The following SHROOM4 variants were observed in gnomAD, a reference collection of about 807,000 sequenced individuals.
SHROOM4 encodes the protein shroom family member 4, also known as protein Shroom4.
In SHROOM4, 17 loss-of-function variants were observed where a neutral mutation model predicts 80.3. The observed-to-expected ratio is 0.21, with a 90% CI of 0.14 to 0.32. The LOEUF (loss-of-function observed/expected upper bound fraction) is 0.32, where lower values mean the gene tolerates loss of function less well. Ranked by LOEUF, SHROOM4 falls within the 10% of genes least tolerant of loss-of-function variation. The pLI is 1.00. For missense variants in SHROOM4, 993 were observed against 1,140.3 expected (o/e 0.87, Z 1.86); for synonymous variants, 400 against 437.5 (o/e 0.91, Z 1.07).
chrX:50,814,118 A>C lies in SHROOM4; in HGVS notation c.-100T>G. 1 of 565,288 alleles carries C rather than the reference A, an allele frequency of 1.8e-6. No homozygotes were observed. The highest frequency in any genetic ancestry group is 3.0e-6 in the Non-Finnish European group (1 of 329,292). The allele number at this position is 565,288 out of a possible 1,213,427, so 46.6% of individuals were successfully genotyped here. ...CACCATCGCCCTCCAGCTCTACGCC[A>C]CCCCGCACCGCCCTGCTCCGCCTAC... On this transcript the variant is annotated 5_prime_UTR_variant, in exon 1 of 9. Coordinates refer to ENST00000376020, the MANE Select transcript of SHROOM4 (RefSeq NM_020717.5).
chrX:50,654,730 T>C (rs782417484), intron 2 of SHROOM4, among the ~76,000 whole-genome samples: 1 of 110,311 alleles, frequency 9.1e-6, no homozygotes, highest in Non-Finnish European at 1.9e-5. Context: ...ACCACCATTC[T>C]ACCCTCTGCT....
intron 1 of SHROOM4, among the ~76,000 whole-genome samples, chrX:50,774,533 T>C (rs888343992): frequency 1.1e-4 from 12 of 110,720 alleles, no homozygotes; most frequent in Non-Finnish European, 1.7e-4. Flanking sequence ...CTCAAATACT[T>C]TTGCTTACTT....
At chrX:50,629,281 G>A (rs1023628907) in intron 4 of SHROOM4, among the ~76,000 whole-genome samples, 2 of 111,598 alleles carry the variant, frequency 1.8e-5, no homozygotes, top group African/African-American at 6.5e-5. Flanking sequence ...TACTGCTAGA[G>A]GGCATCCGGC....
intron 1 of SHROOM4, among the ~76,000 whole-genome samples, chrX:50,715,264 C>T (rs1467609117): frequency 1.8e-5 from 2 of 110,923 alleles, no homozygotes; most frequent in African/African-American, 6.6e-5. Context: ...TGTTCACTTA[C>T]CAAGTTGTAC....
At chrX:50,812,755 G>A (rs375127241) in intron 1 of SHROOM4, among the ~76,000 whole-genome samples, 20 of 66,125 alleles carry the variant, frequency 3.0e-4, no homozygotes, top group South Asian at 9.3e-4. Context: ...CCACCCCCCC[G>A]CAAAAAAAAA....
intron 2 of SHROOM4, among the ~76,000 whole-genome samples, chrX:50,691,496 C>T (rs974806785): frequency 3.2e-5 from 1 of 31,126 alleles, no homozygotes; most frequent in Non-Finnish European, 8.2e-5. Flanking sequence ...TGGATTAAGA[C>T]AAAGGCAACC....
intron 1 of SHROOM4, among the ~76,000 whole-genome samples, chrX:50,748,858 GACT>G (rs782218956): frequency 8.9e-6 from 1 of 112,338 alleles, no homozygotes; most frequent in Non-Finnish European, 1.9e-5. Context: ...ACCAATTAAA[GACT>G]ACAAATGTAC....
At chrX:50,760,332 CTTTTTT>C (rs59845169) in intron 1 of SHROOM4, among the ~76,000 whole-genome samples, 3 of 89,569 alleles carry the variant, frequency 3.3e-5, no homozygotes, top group African/African-American at 1.2e-4. Context: ...TCTCTAGTAA[CTTTTTT>C]TTTTTTTTTT....
At chrX:50,749,805 G>A (rs942433382) in intron 1 of SHROOM4, among the ~76,000 whole-genome samples, 1 of 111,949 alleles carries the variant, frequency 8.9e-6, no homozygotes, top group Non-Finnish European at 1.9e-5. Context: ...TTGCTATGGA[G>A]AGATTCTCTC....
chrX:50,767,190 A>G (rs897609101), intron 1 of SHROOM4, among the ~76,000 whole-genome samples: 1 of 112,005 alleles, frequency 8.9e-6, no homozygotes, highest in Non-Finnish European at 1.9e-5. Flanking sequence ...AATAACTCTA[A>G]ACAGAAGAAA....
chrX:50,584,793 G>A (rs782606272), downstream of SHROOM4, among the ~76,000 whole-genome samples: 1 of 110,912 alleles, frequency 9.0e-6, no homozygotes, highest in Non-Finnish European at 1.9e-5. Flanking sequence ...AATCAGGTTC[G>A]GGAGGGGAAA....
At chrX:50,619,598 G>C (rs1156753588) in intron 5 of SHROOM4, among the ~76,000 whole-genome samples, 1 of 111,968 alleles carries the variant, frequency 8.9e-6, no homozygotes, top group African/African-American at 3.2e-5. Flanking sequence ...TCAGGAGGCT[G>C]ATGCAAAGTG....
chrX:50,743,946 C>T (rs1445569889), intron 1 of SHROOM4, among the ~76,000 whole-genome samples: 2 of 111,213 alleles, frequency 1.8e-5, no homozygotes, highest in Non-Finnish European at 3.8e-5. Context: ...CTCCTGTTAC[C>T]CACTTTTTCT....
At chrX:50,787,358 TAC>T (rs2147691787) in intron 1 of SHROOM4, among the ~76,000 whole-genome samples, 1 of 111,265 alleles carries the variant, frequency 9.0e-6, no homozygotes, top group African/African-American at 3.3e-5. Flanking sequence ...TTGGTAATTA[TAC>T]AGTCAGAGGA....
chrX:50,764,790 G>T (rs1935236407), intron 1 of SHROOM4, among the ~76,000 whole-genome samples: 1 of 111,353 alleles, frequency 9.0e-6, no homozygotes, highest in Non-Finnish European at 1.9e-5. Context: ...GCTTTTCTTG[G>T]CTTTTGGAAA....
rs572929506 is a variant in SHROOM4, at chrX:50,797,144, G to A, written c.117+16758C>T. On this transcript the variant is annotated intron_variant, in intron 1 of 8. Coordinates refer to ENST00000376020, the MANE Select transcript of SHROOM4 (RefSeq NM_020717.5). ...AGGAATATCCACAGGATAGAGATAA[G>A]AGAGGCAGTCGATTTACAGAGGAGA... is the stretch of plus-strand genomic sequence containing the variant. Among the ~76,000 whole-genome samples, 5 of 110,270 alleles carry A rather than the reference G, an allele frequency of 4.5e-5. 1 individual carries two copies. In the South Asian group the frequency reaches 2.0e-3, roughly 44 times the overall value.
intron 2 of SHROOM4, among the ~76,000 whole-genome samples, chrX:50,670,883 T>C (rs781791413): frequency 8.9e-5 from 10 of 112,338 alleles, no homozygotes; most frequent in Non-Finnish European, 1.9e-4. Context: ...TTTCTTCATA[T>C]GTTTTTTGGC....
chrX:50,798,950 C>T lies in SHROOM4; in HGVS notation c.117+14952G>A, dbSNP rs182285285. On this transcript the variant is annotated intron_variant, in intron 1 of 8. Coordinates refer to ENST00000376020, the MANE Select transcript of SHROOM4 (RefSeq NM_020717.5). ...ACCTATGAGGTCACCCAAAGAATTC[C>T]CTCCTGCCCTTTGAACCTTTAACTC... Among the ~76,000 whole-genome samples, 289 of 111,535 alleles carry T rather than the reference C, an allele frequency of 2.6e-3. 4 individuals carry two copies. The highest frequency in any genetic ancestry group is 5.6e-3 in the Admixed American group (59 of 10,511).
At chrX:50,652,897 G>C (rs1325212094) in intron 2 of SHROOM4, among the ~76,000 whole-genome samples, 1 of 111,333 alleles carries the variant, frequency 9.0e-6, no homozygotes, top group Admixed American at 9.6e-5. Flanking sequence ...CATTATTTCT[G>C]AGGCCTCTGT....
Sources: allele counts gnomAD v4.1 joint callset (sites outside exome capture counted in the v4.1 genomes callset), GRCh38; gene constraint gnomAD v4.1.1; transcripts MANE v1.5; gene names NCBI Gene and HGNC (gene_info 2026-07-23, HGNC 2026-07-21).